The following SPOCK3 variants were observed in gnomAD, a reference collection of about 807,000 sequenced individuals.
The protein encoded by SPOCK3 is testican-3.
SPOCK3 carries 30 observed loss-of-function variants against 56.6 expected under a neutral mutation model. The ratio of observed to expected loss-of-function variants is 0.53; its 90% confidence interval spans 0.40 to 0.72. SPOCK3 has a LOEUF of 0.72. Among genes scored for constraint, SPOCK3 ranks in the 30% least tolerant of loss-of-function variants. The pLI, the probability that SPOCK3 is intolerant of heterozygous loss-of-function variation, is 0.00. For missense variants in SPOCK3, 527 were observed against 530.0 expected, an observed-to-expected ratio of 0.99 and a Z score of 0.06; for synonymous variants, 196 against 183.3, an observed-to-expected ratio of 1.07 and a Z score of -0.56.
intron 2 of SPOCK3, among the ~76,000 whole-genome samples, chr4:167,144,026 A>G (rs762909652): frequency 6.6e-6 from 1 of 152,026 alleles, no homozygotes. Flanking sequence ...CAGGCATGGA[A>G]GAAGTCACCA....
At chr4:166,853,295 T>C (rs1292319952) in intron 6 of SPOCK3, among the ~76,000 whole-genome samples, 1 of 152,200 alleles carries the variant, frequency 6.6e-6, no homozygotes, top group Non-Finnish European at 1.5e-5. Flanking sequence ...AGGTGAATAG[T>C]TATTTTATTG....
chr4:166,972,659 T>C (rs929848657), intron 4 of SPOCK3, among the ~76,000 whole-genome samples: 2 of 147,490 alleles, frequency 1.4e-5, no homozygotes, highest in African/African-American at 5.1e-5. Context: ...GAGTCCACAT[T>C]GTTTTAAGGA....
At chr4:167,010,539 A>T (rs952003448) in intron 3 of SPOCK3, among the ~76,000 whole-genome samples, 2 of 150,752 alleles carry the variant, frequency 1.3e-5, no homozygotes, top group African/African-American at 4.9e-5. Flanking sequence ...AAAAAAAAAA[A>T]TCCAGACACA....
At chr4:167,229,515 C>A (rs1392600457) in intron 2 of SPOCK3, among the ~76,000 whole-genome samples, 1 of 151,976 alleles carries the variant, frequency 6.6e-6, no homozygotes, top group Non-Finnish European at 1.5e-5. Context: ...GAATCTTTAC[C>A]CCTCTGTAGC....
intron 2 of SPOCK3, among the ~76,000 whole-genome samples, chr4:167,105,095 C>T (rs1580304312): frequency 6.6e-6 from 1 of 151,728 alleles, no homozygotes. Context: ...ATCTATCCTA[C>T]AAGAAATGCT....
chr4:166,795,295 A>G (rs1395691194), intron 6 of SPOCK3, among the ~76,000 whole-genome samples: 1 of 151,980 alleles, frequency 6.6e-6, no homozygotes, highest in Non-Finnish European at 1.5e-5. Context: ...GTATATCAGT[A>G]ATATATCTAC....
chr4:166,941,812 C>A (rs977425878), intron 4 of SPOCK3, among the ~76,000 whole-genome samples: 1 of 152,088 alleles, frequency 6.6e-6, no homozygotes. Flanking sequence ...TAGTAAGAAC[C>A]GAGCCTTTAG....
intron 9 of SPOCK3, among the ~76,000 whole-genome samples, chr4:166,740,648 C>T (rs1267718287): frequency 6.6e-6 from 1 of 151,944 alleles, no homozygotes; most frequent in East Asian, 1.9e-4. Context: ...GCTTCAGGCG[C>T]CAGAGTAGCT....
At chr4:167,038,107 A>T (rs1354867175) in intron 3 of SPOCK3, among the ~76,000 whole-genome samples, 1 of 152,150 alleles carries the variant, frequency 6.6e-6, no homozygotes, top group Non-Finnish European at 1.5e-5. Context: ...AGGCTACAAA[A>T]TAGTCACTGC....
At chr4:166,991,343 ATATT>A (rs5863850) in intron 4 of SPOCK3, among the ~76,000 whole-genome samples, 1,860 of 142,882 alleles carry the variant, frequency 0.013, 14 homozygotes, top group African/African-American at 0.026. Context: ...TTTTGTTTTT[ATATT>A]TATTTATTTA....
chr4:166,806,031 A>G (rs566391935), intron 6 of SPOCK3, among the ~76,000 whole-genome samples: 151 of 152,258 alleles, frequency 9.9e-4, no homozygotes, highest in Non-Finnish European at 1.7e-3. Flanking sequence ...AAGGTAATTA[A>G]GAGTTGTAGA....
intron 4 of SPOCK3, among the ~76,000 whole-genome samples, chr4:166,968,516 A>G (rs1282003500): frequency 6.6e-6 from 1 of 152,194 alleles, no homozygotes; most frequent in Non-Finnish European, 1.5e-5. Context: ...TAAACAGACC[A>G]AGGTGCAGCT....
intron 4 of SPOCK3, among the ~76,000 whole-genome samples, chr4:166,990,892 G>C (rs1022124765): frequency 2.6e-5 from 4 of 151,996 alleles, no homozygotes; most frequent in Admixed American, 2.0e-4. Flanking sequence ...TTTAGAATAA[G>C]AAATACTCAT....
At chr4:166,944,269 C>T (rs939640344) in intron 4 of SPOCK3, among the ~76,000 whole-genome samples, 2 of 151,570 alleles carry the variant, frequency 1.3e-5, no homozygotes, top group East Asian at 1.9e-4. Flanking sequence ...TATGAGTATC[C>T]GTTGCTGACA....
chr4:167,051,344 T>G (rs1353090488), intron 3 of SPOCK3, among the ~76,000 whole-genome samples: 1 of 152,210 alleles, frequency 6.6e-6, no homozygotes, highest in African/African-American at 2.4e-5. Context: ...TTTCTATGTA[T>G]GTCCAGAGTT....
chr4:167,083,034 T>C (rs556722333), intron 2 of SPOCK3, among the ~76,000 whole-genome samples: 5 of 152,056 alleles, frequency 3.3e-5, no homozygotes, highest in Non-Finnish European at 7.4e-5. Flanking sequence ...TTAACAATCT[T>C]AAAGAACATT....
At chr4:166,911,430 A>G (rs533583459) in intron 5 of SPOCK3, among the ~76,000 whole-genome samples, 1 of 152,228 alleles carries the variant, frequency 6.6e-6, no homozygotes, top group Non-Finnish European at 1.5e-5. Flanking sequence ...TAACTGCAGT[A>G]AGCACAATCA....
In SPOCK3 at chr4:166,772,505, T is replaced by C. The variant is rs554758451; in HGVS notation, c.710-17776A>G. ...TGAAGAAATTGCATATGAAATATTA[T>C]CTAATAGCCATCTAATACAATCAAA... On this transcript the variant is annotated intron_variant, in intron 7 of 10. Coordinates refer to ENST00000357545, the MANE Select transcript of SPOCK3 (RefSeq NM_001040159.2). 3.3e-5 allele frequency among the ~76,000 whole-genome samples: 5 copies of C among 152,274 alleles called. 1 individual carries two copies. The highest frequency in any genetic ancestry group is 1.2e-4 in the African/African-American group (5 of 41,578).
chr4:166,984,969 C>T (rs1204779003), intron 4 of SPOCK3, among the ~76,000 whole-genome samples: 2 of 152,094 alleles, frequency 1.3e-5, no homozygotes, highest in Non-Finnish European at 2.9e-5. Context: ...TGGAAGAACA[C>T]AGGGAAATTG....
Sources: allele counts gnomAD v4.1 joint callset (sites outside exome capture counted in the v4.1 genomes callset), GRCh38; gene constraint gnomAD v4.1.1; transcripts MANE v1.5; gene names NCBI Gene and HGNC (gene_info 2026-07-23, HGNC 2026-07-21).